PON1: variants seen among roughly 807,000 people sequenced by gnomAD.
PON1 encodes the protein serum paraoxonase/arylesterase 1.
A neutral mutation model predicts 39.2 loss-of-function variants in PON1; 37 were observed. The ratio of observed to expected loss-of-function variants is 0.94; its 90% CI spans 0.73 to 1.24. The LOEUF (loss-of-function observed/expected upper bound fraction) is 1.24. Among genes scored for constraint, PON1 ranks in the 50% most tolerant of loss-of-function variants. PON1 has a pLI of 0.00. For synonymous variants in PON1, 148 were observed against 152.2 expected (o/e 0.97, Z 0.21); for missense variants, 397 against 413.5 (o/e 0.96, Z 0.35).
intron 4 of PON1, among the ~76,000 whole-genome samples, chr7:95,314,556 T>C (rs1807724951): frequency 6.6e-6 from 1 of 152,078 alleles, no homozygotes; most frequent in Admixed American, 6.6e-5. Flanking sequence ...GATGATGAAA[T>C]GGAGGTAATG....
intron 1 of PON1, among the ~76,000 whole-genome samples, chr7:95,319,131 C>CTTCTT: frequency 7.2e-6 from 1 of 138,356 alleles, no homozygotes; most frequent in East Asian, 2.2e-4. Context: ...AAACAATAAA[C>CTTCTT]TTTTTTTTTT....
intron 1 of PON1, among the ~76,000 whole-genome samples, chr7:95,323,280 A>G (rs1807940447): frequency 6.6e-6 from 1 of 152,002 alleles, no homozygotes; most frequent in Non-Finnish European, 1.5e-5. Context: ...TTATCTATAT[A>G]TTTTTATCTA....
rs3917600 is a variant in PON1, at chr7:95,298,422, TA to T, written c.*521del. The T allele has an allele frequency of 2.1e-3, 360 of 171,690 alleles. No homozygotes were observed. Among genetic ancestry groups the T allele is most frequent in the Non-Finnish European group, 3.4e-3 (263 of 78,178 alleles). 10.6% of individuals were successfully genotyped at this position (171,690 alleles called of 1,614,324 possible). On this transcript the variant is annotated 3_prime_UTR_variant, in exon 9 of 9. Transcript: ENST00000222381. ...ATATCGAAGGGAAAATGGGAGTAAG[TA>T]AGTCTGACTGCCATAGTCAGACTTA...
chr7:95,302,123 C>CAAAAAAAAAAAAAAAAAAAAAAAA (rs1198986302), intron 8 of PON1, 82 bp downstream of exon 8: 2 of 460,360 alleles, frequency 4.3e-6, no homozygotes, highest in East Asian at 9.0e-5. Flanking sequence ...AAAAAAAAAC[C>CAAAAAAAAAAAAAAAAAAAAAAAA]AAGAATTGAG....
intron 4 of PON1, among the ~76,000 whole-genome samples, chr7:95,313,537 TA>T (rs1483248615): frequency 4.6e-5 from 7 of 152,224 alleles, no homozygotes; most frequent in African/African-American, 1.4e-4. Context: ...TCTTTGTACT[TA>T]AAAATATTTT....
At chr7:95,306,594 G>C (rs923436201) in intron 6 of PON1, among the ~76,000 whole-genome samples, 1 of 152,184 alleles carries the variant, frequency 6.6e-6, no homozygotes, top group Non-Finnish European at 1.5e-5. Context: ...GTCCTTATCA[G>C]TATGGGAGGA....
chr7:95,301,439 T>C (rs1420291775), intron 8 of PON1, among the ~76,000 whole-genome samples: 1 of 152,086 alleles, frequency 6.6e-6, no homozygotes, highest in Non-Finnish European at 1.5e-5. Context: ...AGGCAGGTAA[T>C]GAATGATTAA....
At chr7:95,315,608 G>A (rs928094364) in intron 3 of PON1, 118 bp from the exon 4 acceptor site, 11 of 1,078,996 alleles carry the variant, frequency 1.0e-5, no homozygotes, top group Non-Finnish European at 1.4e-5. Context: ...CTAGCCAGAT[G>A]GCCACATAGG....
chr7:95,318,803 G>A (rs545032673), intron 1 of PON1, among the ~76,000 whole-genome samples: 5 of 152,284 alleles, frequency 3.3e-5, no homozygotes, highest in East Asian at 3.9e-4. Context: ...ATCTGACTCC[G>A]CAGCCTGGAC....
intron 5 of PON1, 111 bp from the exon 6 acceptor site, chr7:95,308,322 G>A (rs755022126): frequency 4.2e-5 from 41 of 971,254 alleles, no homozygotes; most frequent in Non-Finnish European, 5.6e-5. Flanking sequence ...GTGGGATGGA[G>A]CCTTCGTGCT....
rs948580296 is a variant in PON1, at chr7:95,321,512, G to A, written c.74+2890C>T. ...TACTATGTGCCAAGCTCCAATAAGG[G>A]CTCTCACACATACTTCCTCATTTAA... is the stretch of plus-strand genomic sequence containing the variant. On this transcript the variant is annotated intron_variant, in intron 1 of 8. Coordinates refer to ENST00000222381, the MANE Select transcript of PON1 (RefSeq NM_000446.7). Among the ~76,000 whole-genome samples the A allele has an allele frequency of 2.0e-5, 3 of 152,256 alleles. No individual in the cohort carries two copies. In the South Asian group the frequency reaches 6.2e-4, roughly 32 times the overall value.
chr7:95,301,963 G>A (rs1232998183), intron 8 of PON1, among the ~76,000 whole-genome samples: 1 of 151,248 alleles, frequency 6.6e-6, no homozygotes, highest in Non-Finnish European at 1.5e-5. Flanking sequence ...CAGGCATGGT[G>A]GCATGCGCCT....
chr7:95,324,502 GGGCGC>G lies in PON1; in HGVS notation c.-32_-28del. 3 of 1,608,316 alleles carry G rather than the reference GGGCGC, an allele frequency of 1.9e-6. No individual in the cohort carries two copies. The highest frequency in any genetic ancestry group is 2.6e-6 in the Non-Finnish European group (3 of 1,175,136). On this transcript the variant is annotated 5_prime_UTR_variant, in exon 1 of 9. Transcript: ENST00000222381. ...GTCGGGGATAGACAAAGGGATCGAT[GGGCGC>G]AGACACCGACGGGCTAGGAGGCTCT...
Position 95,305,923 on chromosome 7 carries a change from G to C in PON1, c.780+362C>G, listed in dbSNP as rs74993854. ...ATTTCTTGGCTGTTCCATCAACATA[G>C]AGGAAAAAAGAGAAAGAAAAGGGAG... On this transcript the variant is annotated intron_variant, in intron 7 of 8. Transcript: ENST00000222381. Among the ~76,000 whole-genome samples the C allele has an allele frequency of 4.7e-4, 71 of 152,142 alleles. No homozygotes were observed. In the East Asian group the frequency reaches 0.013, roughly 28 times the overall value.
At chr7:95,320,289 G>C (rs1807867387) in intron 1 of PON1, among the ~76,000 whole-genome samples, 2 of 152,184 alleles carry the variant, frequency 1.3e-5, no homozygotes, top group African/African-American at 2.4e-5. Context: ...AGGCAGAACT[G>C]GTCAGCTCCT....
chr7:95,322,756 C>T (rs1255177833), intron 1 of PON1, among the ~76,000 whole-genome samples: 2 of 152,120 alleles, frequency 1.3e-5, no homozygotes, highest in African/African-American at 2.4e-5. Context: ...CACATACAGC[C>T]GACTACAAAG....
intron 3 of PON1, 51 bp downstream of exon 3, chr7:95,316,683 C>A: frequency 1.3e-6 from 2 of 1,482,108 alleles, no homozygotes; most frequent in African/African-American, 1.4e-5. Context: ...ACTTAAACTG[C>A]CAGTCCTAGA....
intron 1 of PON1, among the ~76,000 whole-genome samples, chr7:95,321,675 C>G (rs1807901746): frequency 6.6e-6 from 1 of 152,170 alleles, no homozygotes; most frequent in African/African-American, 2.4e-5. Context: ...AATCAAGTGT[C>G]ATGATACTAA....
chr7:95,308,352 T>A, intron 5 of PON1, 141 bp from the exon 6 acceptor site: 2 of 770,890 alleles, frequency 2.6e-6, no homozygotes, highest in Non-Finnish European at 4.4e-6. Context: ...GGAACACAAT[T>A]AATATGAAAT....
Sources: allele counts gnomAD v4.1 joint callset (sites outside exome capture counted in the v4.1 genomes callset), GRCh38; gene constraint gnomAD v4.1.1; transcripts MANE v1.5; gene names NCBI Gene and HGNC (gene_info 2026-07-23, HGNC 2026-07-21).